Variants in TOM1L1 observed in about 807,000 individuals in gnomAD.
TOM1L1 encodes TOM1-like protein 1.
In TOM1L1, 64 loss-of-function variants were observed where a neutral mutation model predicts 63.4. The ratio of observed to expected loss-of-function variants is 1.01; its 90% CI spans 0.83 to 1.24. The LOEUF is 1.24. Ranked by LOEUF, TOM1L1 falls within the 50% of genes most tolerant of loss-of-function variation. The pLI is 0.00. For missense variants in TOM1L1, 536 were observed against 567.0 expected, an observed-to-expected ratio of 0.95 and a Z score of 0.55; for synonymous variants, 166 against 194.4, an observed-to-expected ratio of 0.85 and a Z score of 1.22.
At chr17:54,920,529 C>T (rs1014486707) in intron 7 of TOM1L1, among the ~76,000 whole-genome samples, 4 of 152,196 alleles carry the variant, frequency 2.6e-5, no homozygotes, top group Admixed American at 2.0e-4. Context: ...CCTGATAAAG[C>T]AGGTGGGATC....
At chr17:54,952,125 A>G (rs2049264396) in intron 14 of TOM1L1, 1 of 152,198 alleles carries the variant, frequency 6.6e-6, no homozygotes, top group African/African-American at 2.4e-5. Flanking sequence ...GGAAGATACA[A>G]ATTTTACGAA....
At chr17:54,938,594 G>C (rs2048988745) in intron 10 of TOM1L1, 1 of 191,008 alleles carries the variant, frequency 5.2e-6, no homozygotes, top group Non-Finnish European at 1.1e-5. Context: ...GGCAGAACAA[G>C]ATGTAAAATC....
At position 54,934,023 on chromosome 17, in the gene TOM1L1, G is replaced by A. The variant is rs530865616; in HGVS notation, c.855-2626G>A. ...CACGGAATACACAATTTACGTGTGA[G>A]AAGGGGCTAGAGGAATAGTCACTCA... is the stretch of plus-strand genomic sequence containing the variant. On this transcript the variant is annotated intron_variant, in intron 8 of 15. Coordinates refer to ENST00000575882, the MANE Select transcript of TOM1L1 (RefSeq NM_005486.3). 4.5e-4 allele frequency among the ~76,000 whole-genome samples: 69 copies of A among 152,334 alleles called. 2 individuals carry two copies. In the South Asian group the frequency reaches 0.013, roughly 30 times the overall value.
intron 7 of TOM1L1, among the ~76,000 whole-genome samples, chr17:54,921,216 A>G (rs1002168406): frequency 6.6e-6 from 1 of 152,166 alleles, no homozygotes; most frequent in Non-Finnish European, 1.5e-5. Context: ...TGAGCCTTTG[A>G]GGATTTCTCA....
At chr17:54,926,864 C>T (rs142621720) in intron 7 of TOM1L1, among the ~76,000 whole-genome samples, 26 of 152,190 alleles carry the variant, frequency 1.7e-4, no homozygotes, top group Non-Finnish European at 3.2e-4. Flanking sequence ...TTCTCATGAG[C>T]TTATGTTCTA....
intron 11 of TOM1L1, among the ~76,000 whole-genome samples, chr17:54,944,762 ACATT>A (rs1219409477): frequency 6.6e-6 from 1 of 152,220 alleles, no homozygotes; most frequent in East Asian, 1.9e-4. Context: ...TGAAAAATCT[ACATT>A]CATCGGAGTT....
chr17:54,902,025 C>A (rs2048334873), intron 1 of TOM1L1, among the ~76,000 whole-genome samples: 1 of 152,098 alleles, frequency 6.6e-6, no homozygotes, highest in African/African-American at 2.4e-5. Flanking sequence ...GACTAACTGT[C>A]AGCTATGTGC....
At chr17:54,915,635 T>C (rs1025074241) in intron 6 of TOM1L1, 111 bp from the exon 7 acceptor site, 5 of 606,124 alleles carry the variant, frequency 8.2e-6, no homozygotes, top group Non-Finnish European at 1.4e-5. Context: ...TTTGAAAATA[T>C]TAAATTTTGC....
At chr17:54,905,361 A>T in intron 2 of TOM1L1, 128 bp from the exon 3 acceptor site, 1 of 644,870 alleles carries the variant, frequency 1.6e-6, no homozygotes, top group South Asian at 2.0e-5. Context: ...AGGGTCCCAC[A>T]GTAGAACCAA....
At chr17:54,953,948 G>A (rs1438881095) in intron 14 of TOM1L1, 1 of 152,152 alleles carries the variant, frequency 6.6e-6, no homozygotes, top group Non-Finnish European at 1.5e-5. Context: ...GAATGCTGAT[G>A]GATTTTCATT....
At chr17:54,921,200 T>G (rs543200850) in intron 7 of TOM1L1, among the ~76,000 whole-genome samples, 39 of 152,322 alleles carry the variant, frequency 2.6e-4, no homozygotes, top group African/African-American at 8.9e-4. Context: ...AGATCTTATT[T>G]GGTTTTGAGC....
rs371667188 is a variant in TOM1L1, at chr17:54,905,583, T to G, written c.222+16T>G. 1.2e-5 allele frequency: 17 copies of G among 1,443,364 alleles called. No individual in the cohort carries two copies. In the African/African-American group the frequency reaches 2.0e-4, roughly 17 times the overall value. The allele number at this position is 1,443,364 out of a possible 1,614,324, so 89.4% of individuals were successfully genotyped here. On this transcript the variant is annotated intron_variant, in intron 3 of 15. Transcript: ENST00000575882. ...TACCTTGTCAGTAAGTACTTTAATT[T>G]TATAATTAAGACTCGAGGATTTCTC...
chr17:54,955,887 G>A (rs2049474935), intron 14 of TOM1L1, among the ~76,000 whole-genome samples: 2 of 152,194 alleles, frequency 1.3e-5, no homozygotes, highest in Admixed American at 1.3e-4. Context: ...TCCCAGAGAG[G>A]TCTTGTGGTG....
At chr17:54,956,090 T>TA (rs1391369783) in intron 14 of TOM1L1, among the ~76,000 whole-genome samples, 1 of 152,158 alleles carries the variant, frequency 6.6e-6, no homozygotes, top group African/African-American at 2.4e-5. Flanking sequence ...TTGTTACCCC[T>TA]AAAAAAACCT....
intron 8 of TOM1L1, among the ~76,000 whole-genome samples, chr17:54,936,197 A>G (rs1355630490): frequency 6.6e-6 from 1 of 152,180 alleles, no homozygotes; most frequent in Non-Finnish European, 1.5e-5. Context: ...ATTACTTATA[A>G]TGGCAAAGTA....
At chr17:54,931,817 T>C (rs2048862799) in intron 8 of TOM1L1, among the ~76,000 whole-genome samples, 1 of 150,606 alleles carries the variant, frequency 6.6e-6, no homozygotes, top group East Asian at 2.0e-4. Flanking sequence ...AAGAGAAACA[T>C]AAAACCAGTA....
intron 14 of TOM1L1, chr17:54,954,474 CA>C (rs2049391979): frequency 6.6e-6 from 1 of 152,314 alleles, no homozygotes; most frequent in South Asian, 2.1e-4. Context: ...AAGAGTGCAA[CA>C]GGGGCCTGCT....
At position 54,939,021 on chromosome 17, in the gene TOM1L1, G is replaced by GT. The variant is rs1567836451; in HGVS notation, c.1130+2dup. 1.3e-6 allele frequency: 2 copies of GT among 1,580,248 alleles called. No homozygotes were observed. Among genetic ancestry groups the GT allele is most frequent in the Non-Finnish European group, 8.7e-7 (1 of 1,151,224 alleles). On this transcript the variant is annotated splice_donor_variant, in intron 11 of 15. Transcript: ENST00000575882. LOFTEE classifies it high-confidence loss of function. ...CCTTGGAGAATACAGAGATACCCCCGTAAGTATGTCAGTAACACTGCAGAA... is the reference window on the plus strand; with the variant it reads ...CCTTGGAGAATACAGAGATACCCCCGTTAAGTATGTCAGTAACACTGCAGAA...
chr17:54,901,238 A>C, intron 1 of TOM1L1: 1 of 408,052 alleles, frequency 2.5e-6, no homozygotes, highest in East Asian at 4.3e-5. Context: ...GACACCAGAA[A>C]CTTCTCGGTA....
Sources: gnomAD v4.1 joint callset for allele counts (sites outside exome capture counted in the v4.1 genomes callset) on GRCh38, gnomAD v4.1.1 for gene constraint, MANE v1.5 for transcripts, NCBI Gene and HGNC (gene_info 2026-07-23, HGNC 2026-07-21) for gene names.